SLCO5A1: variants seen among roughly 807,000 people sequenced by gnomAD.
SLCO5A1 encodes the protein organic anion transporter polypeptide-related protein 4.
In SLCO5A1, 39 loss-of-function variants were observed where a neutral mutation model predicts 65.1. The ratio of observed to expected loss-of-function variants is 0.60; its 90% CI spans 0.46 to 0.78. SLCO5A1 has a LOEUF of 0.78. SLCO5A1 is among the 30% of genes least tolerant of loss of function. The pLI, the probability that SLCO5A1 is intolerant of heterozygous loss-of-function variation, is 0.00. For synonymous variants in SLCO5A1, 438 were observed against 415.7 expected, an observed-to-expected ratio of 1.05 and a Z score of -0.65; for missense variants, 1,029 against 1,069.4, an observed-to-expected ratio of 0.96 and a Z score of 0.53.
intron 8 of SLCO5A1, among the ~76,000 whole-genome samples, chr8:69,677,460 A>G (rs925067430): frequency 6.6e-6 from 1 of 152,222 alleles, no homozygotes; most frequent in African/African-American, 2.4e-5. Context: ...TAAATTTATG[A>G]ATGATTCATG....
At chr8:69,774,776 C>T (rs913040303) in intron 2 of SLCO5A1, among the ~76,000 whole-genome samples, 6 of 152,206 alleles carry the variant, frequency 3.9e-5, no homozygotes, top group Admixed American at 3.3e-4. Flanking sequence ...GGAGGCCACC[C>T]TCTTGTATGT....
rs538308606 is a variant in SLCO5A1 at position 69,764,835 on chromosome 8, T to C, written c.908-2960A>G. ...ATAGTTCCTCTGGCATGAAAGAAGC[T>C]ATCTTACACACACAGACAGGGAAAA... On this transcript the variant is annotated intron_variant, in intron 2 of 9. Coordinates refer to ENST00000260126, the MANE Select transcript of SLCO5A1 (RefSeq NM_030958.3). Among the ~76,000 whole-genome samples, 17 of 152,292 alleles carry C rather than the reference T, an allele frequency of 1.1e-4. No homozygotes were observed. In the East Asian group the frequency reaches 2.5e-3, roughly 22 times the overall value.
At chr8:69,756,379 T>C (rs1586763048) in intron 3 of SLCO5A1, among the ~76,000 whole-genome samples, 2 of 151,926 alleles carry the variant, frequency 1.3e-5, no homozygotes, top group East Asian at 3.9e-4. Flanking sequence ...CACTCCACAC[T>C]CCAGCCTGGG....
intron 2 of SLCO5A1, among the ~76,000 whole-genome samples, chr8:69,808,268 C>T (rs1438829098): frequency 1.3e-5 from 2 of 151,772 alleles, no homozygotes; most frequent in African/African-American, 2.4e-5. Context: ...TATTTCATCA[C>T]CCAGGTATTA....
intron 6 of SLCO5A1, among the ~76,000 whole-genome samples, chr8:69,693,065 C>T (rs927075745): frequency 1.3e-5 from 2 of 152,156 alleles, no homozygotes; most frequent in Admixed American, 6.5e-5. Flanking sequence ...CATTGCACTT[C>T]GACCTTATGA....
chr8:69,695,311 A>G (rs1426430190), intron 6 of SLCO5A1, among the ~76,000 whole-genome samples: 1 of 152,138 alleles, frequency 6.6e-6, no homozygotes, highest in Non-Finnish European at 1.5e-5. Flanking sequence ...CCTGGCCAAC[A>G]TGGTAAAACC....
chr8:69,794,318 C>A, intron 2 of SLCO5A1: 1 of 448,004 alleles, frequency 2.2e-6, no homozygotes, highest in South Asian at 1.8e-5. Context: ...AAGTAGATGT[C>A]ACAGGGCAGC....
intron 2 of SLCO5A1, among the ~76,000 whole-genome samples, chr8:69,795,792 G>A (rs185620070): frequency 6.6e-6 from 1 of 152,286 alleles, no homozygotes; most frequent in Non-Finnish European, 1.5e-5. Flanking sequence ...TCTCCATGAG[G>A]GCTCCGACCC....
rs1821209139 is a variant in SLCO5A1, at chr8:69,832,454, G to GCTT, written c.217_219dup (p.Lys73dup). On this transcript the variant is annotated inframe_insertion, in exon 2 of 10. Coordinates refer to ENST00000260126, the MANE Select transcript of SLCO5A1 (RefSeq NM_030958.3). The surrounding 1 kb of genome is among the most constrained non-coding windows in gnomAD (Gnocchi z 4.5). ...CTGGGGGCCAACGGGTTCGGGCCTT[G>GCTT]CTTCAACTCCTGGTGGCCCGAAGAA... 6.2e-7 allele frequency: 1 copy of GCTT among 1,613,002 alleles called. No individual in the cohort carries two copies. The highest frequency in any genetic ancestry group is 1.3e-5 in the African/African-American group (1 of 74,934).
intron 9 of SLCO5A1, 95 bp from the exon 10 acceptor site, chr8:69,673,421 A>C (rs1813417713): frequency 2.8e-6 from 3 of 1,056,130 alleles, no homozygotes; most frequent in Admixed American, 2.3e-5. Flanking sequence ...GTGCTCTAAA[A>C]CCAGTTGAGG....
At chr8:69,781,071 G>A (rs912895540) in intron 2 of SLCO5A1, among the ~76,000 whole-genome samples, 2 of 152,186 alleles carry the variant, frequency 1.3e-5, no homozygotes, top group Non-Finnish European at 2.9e-5. Context: ...CAGTAATTAC[G>A]GTGAAGCCTC....
In SLCO5A1 at chr8:69,772,206, A is replaced by G. The variant is rs552298734; in HGVS notation, c.908-10331T>C. On this transcript the variant is annotated intron_variant, in intron 2 of 9. Transcript: ENST00000260126. ...CTCTGAACTCTACAATCTATATTGA[A>G]TAATTCAACCTGCCTGGAAATCTAT... Among the ~76,000 whole-genome samples the G allele has an allele frequency of 7.7e-4, 118 of 152,324 alleles. 2 individuals carry two copies. In the South Asian group the frequency reaches 0.015, roughly 19 times the overall value.
At chr8:69,808,626 C>T (rs996719590) in intron 2 of SLCO5A1, among the ~76,000 whole-genome samples, 5 of 152,118 alleles carry the variant, frequency 3.3e-5, no homozygotes, top group African/African-American at 7.2e-5. Flanking sequence ...CTGCAATGAA[C>T]GAACAAGTGC....
intron 2 of SLCO5A1, among the ~76,000 whole-genome samples, chr8:69,825,539 A>C: frequency 6.6e-6 from 1 of 152,228 alleles, no homozygotes; most frequent in East Asian, 1.9e-4. Context: ...ATTGCTTCAA[A>C]GAGAATAAAA....
At chr8:69,780,453 A>C (rs563280970) in intron 2 of SLCO5A1, among the ~76,000 whole-genome samples, 1 of 152,222 alleles carries the variant, frequency 6.6e-6, no homozygotes, top group Non-Finnish European at 1.5e-5. Flanking sequence ...ACATATACAC[A>C]ATGGAAAACT....
intron 4 of SLCO5A1, among the ~76,000 whole-genome samples, chr8:69,750,020 T>C (rs1011332969): frequency 3.3e-5 from 5 of 152,092 alleles, no homozygotes; most frequent in Admixed American, 2.0e-4. Flanking sequence ...GGGGTGAGAC[T>C]CTCTGGCACG....
At chr8:69,692,633 C>CT (rs143527865) in intron 6 of SLCO5A1, among the ~76,000 whole-genome samples, 4,574 of 152,168 alleles carry the variant, frequency 0.03, 241 homozygotes, top group African/African-American at 0.1. Context: ...AAACTGTTTT[C>CT]TTTTTTTGCC....
At chr8:69,813,497 C>G (rs1027565149) in intron 2 of SLCO5A1, among the ~76,000 whole-genome samples, 1 of 152,284 alleles carries the variant, frequency 6.6e-6, no homozygotes. Flanking sequence ...GACAGTTTAA[C>G]GAGCAGTCAT....
chr8:69,740,441 T>G (rs1179330001), intron 4 of SLCO5A1, among the ~76,000 whole-genome samples: 4 of 152,212 alleles, frequency 2.6e-5, no homozygotes, highest in Non-Finnish European at 5.9e-5. Flanking sequence ...CTGGAGGTAC[T>G]GGTATGAATT....
Sources: allele counts gnomAD v4.1 joint callset (sites outside exome capture counted in the v4.1 genomes callset), GRCh38; gene constraint gnomAD v4.1.1; non-coding constraint Gnocchi (gnomAD v3.1); transcripts MANE v1.5; gene names NCBI Gene and HGNC (gene_info 2026-07-23, HGNC 2026-07-21).